The following OR10Z1 variants were observed in gnomAD, a reference collection of about 807,000 sequenced individuals.
The protein encoded by OR10Z1 is olfactory receptor 10Z1.
For missense variants in OR10Z1, 468 were observed against 371.0 expected (o/e 1.26, Z -2.15); for synonymous variants, 187 against 151.2 (o/e 1.24, Z -1.74).
In OR10Z1 at chr1:158,607,400, C is replaced by T. The variant is rs369995399; in HGVS notation, c.*20C>T. 3 of 1,584,564 alleles carry T rather than the reference C, an allele frequency of 1.9e-6. No individual in the cohort carries two copies. The highest frequency in any genetic ancestry group is 1.1e-5 in the South Asian group (1 of 88,956). ...GGATGAAGGTTACCCCAATAGGACA[C>T]TTTCTTCTGTGTAGGCTGGGCATAG... On this transcript the variant is annotated 3_prime_UTR_variant, in exon 2 of 2. Coordinates refer to ENST00000641002, the MANE Select transcript of OR10Z1 (RefSeq NM_001004478.2).
Position 158,610,442 on chromosome 1 carries a change from TTTA to T in OR10Z1, c.*3063_*3065del. ...TGAAGATAGCATCACCTCTTCTTTT[TTTA>T]AAATTAATTCTTAATTTTATAAATA... On this transcript the variant is annotated 3_prime_UTR_variant, in exon 2 of 2. Transcript: ENST00000641002. 6.6e-6 allele frequency: 1 copy of T among 152,300 alleles called. No homozygotes were observed. Among genetic ancestry groups the T allele is most frequent in the East Asian group, 1.9e-4 (1 of 5,188 alleles). 9.4% of individuals were successfully genotyped at this position (152,300 alleles called of 1,614,324 possible).
At position 158,611,208 on chromosome 1, in the gene OR10Z1, C is replaced by T; in HGVS notation, c.*3828C>T. The T allele has an allele frequency of 1.9e-6, 3 of 1,604,664 alleles. No individual in the cohort carries two copies. The highest frequency in any genetic ancestry group is 2.6e-6 in the Non-Finnish European group (3 of 1,173,824). On this transcript the variant is annotated 3_prime_UTR_variant, in exon 2 of 2. Coordinates refer to ENST00000641002, the MANE Select transcript of OR10Z1 (RefSeq NM_001004478.2). The stretch of plus-strand genomic sequence containing the variant: ...TCCACATTTGCCTGTACTCTTTGCC[C>T]CCCAGTAAATTTCCCACGACACTAA...
chr1:158,611,326 C>A lies in OR10Z1; in HGVS notation c.*3946C>A, dbSNP rs774112593. ...TCATAGCCAGAGAGATGGCTTCGACCCCGTGGGTCCATATATTGCTGCATA... is the reference window on the plus strand; with the variant it reads ...TCATAGCCAGAGAGATGGCTTCGACACCGTGGGTCCATATATTGCTGCATA... On this transcript the variant is annotated 3_prime_UTR_variant, in exon 2 of 2. Transcript: ENST00000641002. 22 of 1,613,746 alleles carry A rather than the reference C, an allele frequency of 1.4e-5. 1 individual carries two copies. The South Asian group carries it at 2.3e-4, about 17-fold the overall frequency.
At position 158,610,345 on chromosome 1, in the gene OR10Z1, A is replaced by G. The variant is rs753982998; in HGVS notation, c.*2965A>G. 5 of 152,160 alleles carry G rather than the reference A, an allele frequency of 3.3e-5. No individual in the cohort carries two copies. Among genetic ancestry groups the G allele is most frequent in the Admixed American group, 1.3e-4 (2 of 15,264 alleles). The allele number at this position is 152,160 out of a possible 1,614,324, so 9.4% of individuals were successfully genotyped here. On this transcript the variant is annotated 3_prime_UTR_variant, in exon 2 of 2. Coordinates refer to ENST00000641002, the MANE Select transcript of OR10Z1 (RefSeq NM_001004478.2). ...AGAATTCTCACCAGCAAATGACACCATTACCTTTTATAGATCAAATCAGAA... is the reference window on the plus strand; with the variant it reads ...AGAATTCTCACCAGCAAATGACACCGTTACCTTTTATAGATCAAATCAGAA...
chr1:158,611,245 A>T lies in OR10Z1; in HGVS notation c.*3865A>T, dbSNP rs779865952. The T allele has an allele frequency of 6.2e-7, 1 of 1,613,002 alleles. No homozygotes were observed. Among genetic ancestry groups the T allele is most frequent in the Non-Finnish European group, 8.5e-7 (1 of 1,179,392 alleles). On this transcript the variant is annotated 3_prime_UTR_variant, in exon 2 of 2. Coordinates refer to ENST00000641002, the MANE Select transcript of OR10Z1 (RefSeq NM_001004478.2). The stretch of plus-strand genomic sequence containing the variant: ...TCCCACGACACTAAGATTTTCTACG[A>T]TCCACGAGGAGCTGCTTATTAGTTG...
rs571508464 is a variant in OR10Z1, at chr1:158,611,717, G to A, written c.*4337G>A. The A allele has an allele frequency of 1.1e-3, 298 of 279,704 alleles. 2 individuals carry two copies. The highest frequency in any genetic ancestry group is 1.6e-3 in the Non-Finnish European group (225 of 144,518). 17.3% of individuals were successfully genotyped at this position (279,704 alleles called of 1,614,324 possible). On this transcript the variant is annotated 3_prime_UTR_variant, in exon 2 of 2. Coordinates refer to ENST00000641002, the MANE Select transcript of OR10Z1 (RefSeq NM_001004478.2). ...CTTGATCTATTTCATCTTCCTGGCT[G>A]CTTTGAGATGTGGGGACTAGCATGT...
chr1:158,607,332 G>T lies in OR10Z1; in HGVS notation c.894G>T (p.Gln298His). The change falls in exon 2 of 2, where the codon CAG (glutamine) becomes CAT (histidine). Residue 298 changes from glutamine (Q) to histidine (H), a missense_variant. Coordinates refer to ENST00000641002, the MANE Select transcript of OR10Z1 (RefSeq NM_001004478.2). Reference protein sequence around the residue: ...IVYSLRNRAIQTALRNAFRGR... With the variant: ...IVYSLRNRAIHTALRNAFRGR... The stretch of plus-strand genomic sequence containing the variant: ...ATAGTCTAAGGAATAGGGCTATACA[G>T]ACAGCTCTGAGGAATGCTTTCAGAG... 1 of 1,613,790 alleles carries T rather than the reference G, an allele frequency of 6.2e-7. No homozygotes were observed. Among genetic ancestry groups the T allele is most frequent in the Non-Finnish European group, 8.5e-7 (1 of 1,179,792 alleles).
chr1:158,611,053 A>G lies in OR10Z1; in HGVS notation c.*3673A>G. On this transcript the variant is annotated 3_prime_UTR_variant, in exon 2 of 2. Coordinates refer to ENST00000641002, the MANE Select transcript of OR10Z1 (RefSeq NM_001004478.2). ...ATACAAAATAGCTTCCACTCCTCCAACTCTATTAACCTTTCTATCTCCCAC... is the reference window on the plus strand; with the variant it reads ...ATACAAAATAGCTTCCACTCCTCCAGCTCTATTAACCTTTCTATCTCCCAC... The G allele has an allele frequency of 1.6e-6, 1 of 620,034 alleles. No homozygotes were observed. Among genetic ancestry groups the G allele is most frequent in the Admixed American group, 2.7e-5 (1 of 37,186 alleles). The allele number at this position is 620,034 out of a possible 1,614,324, so 38.4% of individuals were successfully genotyped here. A position where few individuals can be genotyped will look rare whatever the true frequency, so the allele number is the denominator to read the frequency against.
Position 158,609,582 on chromosome 1 carries a change from G to A in OR10Z1, c.*2202G>A, listed in dbSNP as rs1440494027. On this transcript the variant is annotated 3_prime_UTR_variant, in exon 2 of 2. Coordinates refer to ENST00000641002, the MANE Select transcript of OR10Z1 (RefSeq NM_001004478.2). ...TCCACATGTAGTAGTCTTAAGTATG[G>A]AAGGGTATAAAATCACTTGGAGGGA... The A allele has an allele frequency of 1.8e-4, 28 of 152,140 alleles. 1 individual carries two copies. Among genetic ancestry groups the A allele is most frequent in the Admixed American group, 1.8e-3 (28 of 15,276 alleles). 9.4% of individuals were successfully genotyped at this position (152,140 alleles called of 1,614,324 possible).
chr1:158,607,468 G>T lies in OR10Z1; in HGVS notation c.*88G>T. ...AAGGGCCAGGTATTCAAGGCCTCAG[G>T]CCAAAGCTGTCCTACCCCCAATCTT... is the stretch of plus-strand genomic sequence containing the variant. On this transcript the variant is annotated 3_prime_UTR_variant, in exon 2 of 2. Transcript: ENST00000641002. 1.0e-6 allele frequency: 1 copy of T among 998,838 alleles called. No homozygotes were observed. The highest frequency in any genetic ancestry group is 1.5e-6 in the Non-Finnish European group (1 of 668,108). The allele number at this position is 998,838 out of a possible 1,614,324, so 61.9% of individuals were successfully genotyped here. A position where few individuals can be genotyped will look rare whatever the true frequency, so the allele number is the denominator to read the frequency against.
In OR10Z1 at chr1:158,606,862, G is replaced by A. The variant is rs138845915; in HGVS notation, c.424G>A (p.Ala142Thr). Reference protein sequence around the residue: ...YASHMNPTLCAQLVITSFLTG... With the variant: ...YASHMNPTLCTQLVITSFLTG... ...CAGCCACATGAATCCTACCCTCTGT[G>A]CCCAGCTGGTCATTACTTCCTTCCT... The change falls in exon 2 of 2, where the codon GCC (alanine) becomes ACC (threonine). Residue 142 changes from alanine to threonine, a missense_variant. By Grantham distance (58) the Ala-to-Thr change is moderately conservative. Transcript: ENST00000641002. 1 of 1,613,868 alleles carries A rather than the reference G, an allele frequency of 6.2e-7. No individual in the cohort carries two copies. The highest frequency in any genetic ancestry group is 1.3e-5 in the African/African-American group (1 of 74,882).
rs1364903812 is a variant in OR10Z1 at position 158,606,644 on chromosome 1, C to G, written c.206C>G (p.Ser69Cys). The G allele has an allele frequency of 1.2e-6, 2 of 1,613,924 alleles. No homozygotes were observed. The highest frequency in any genetic ancestry group is 2.7e-5 in the African/African-American group (2 of 74,920). ...MYLFLSFLSF[S>C]ETCYTLGIIP... ...CTCTTCCTTTCCTTCCTATCCTTCT[C>G]TGAGACCTGCTACACTTTGGGCATC... is the stretch of plus-strand genomic sequence containing the variant. Residue 69 changes from serine (S) to cysteine (C), a missense_variant, in exon 2 of 2, where the codon TCT (serine) becomes TGT (cysteine). Transcript: ENST00000641002.
rs147975494 is a variant in OR10Z1, at chr1:158,607,677, A to T, written c.*297A>T. On this transcript the variant is annotated 3_prime_UTR_variant, in exon 2 of 2. Transcript: ENST00000641002. ...ATTGAGAATTAAAAATTTAATTAAG[A>T]TAATCAAGAATTTTTTAATTGAGCT... is the stretch of plus-strand genomic sequence containing the variant. The T allele has an allele frequency of 3.5e-6, 1 of 283,072 alleles. No homozygotes were observed. The highest frequency in any genetic ancestry group is 6.6e-6 in the Non-Finnish European group (1 of 152,414). 17.5% of individuals were successfully genotyped at this position (283,072 alleles called of 1,614,324 possible). A position where few individuals can be genotyped will look rare whatever the true frequency, so the allele number is the denominator to read the frequency against.
At position 158,612,115 on chromosome 1, in the gene OR10Z1, C is replaced by T. The variant is rs1311871151; in HGVS notation, c.*4735C>T. 1 of 154,168 alleles carries T rather than the reference C, an allele frequency of 6.5e-6. No individual in the cohort carries two copies. Among genetic ancestry groups the T allele is most frequent in the East Asian group, 1.9e-4 (1 of 5,210 alleles). 9.6% of individuals were successfully genotyped at this position (154,168 alleles called of 1,614,324 possible). A position where few individuals can be genotyped will look rare whatever the true frequency, so the allele number is the denominator to read the frequency against. The stretch of plus-strand genomic sequence containing the variant: ...ATCTGGTTTCTGCTTAATTGTTTTC[C>T]CTTTCACTTTCTGTTACTATCTTCT... On this transcript the variant is annotated 3_prime_UTR_variant, in exon 2 of 2. Transcript: ENST00000641002.
rs565112780 is a variant in OR10Z1, at chr1:158,611,603, T to G, written c.*4223T>G. ...CAGCCCTTTCTTGAAAAAGAGAGCT[T>G]ACTCACTTTGATTATTCTGTAAATC... is the stretch of plus-strand genomic sequence containing the variant. On this transcript the variant is annotated 3_prime_UTR_variant, in exon 2 of 2. Coordinates refer to ENST00000641002, the MANE Select transcript of OR10Z1 (RefSeq NM_001004478.2). 43 of 496,480 alleles carry G rather than the reference T, an allele frequency of 8.7e-5. No individual in the cohort carries two copies. In the East Asian group the frequency reaches 1.5e-3, roughly 18 times the overall value. 30.8% of individuals were successfully genotyped at this position (496,480 alleles called of 1,614,324 possible).
Position 158,607,441 on chromosome 1 carries a change from C to A in OR10Z1, c.*61C>A. 7.5e-7 allele frequency: 1 copy of A among 1,338,168 alleles called. No individual in the cohort carries two copies. Among genetic ancestry groups the A allele is most frequent in the Non-Finnish European group, 1.0e-6 (1 of 961,482 alleles). 82.9% of individuals were successfully genotyped at this position (1,338,168 alleles called of 1,614,324 possible). A position where few individuals can be genotyped will look rare whatever the true frequency, so the allele number is the denominator to read the frequency against. ...CTGGGCATAGACCAAGAACCCAAGC[C>A]AAAGGGCCAGGTATTCAAGGCCTCA... On this transcript the variant is annotated 3_prime_UTR_variant, in exon 2 of 2. Coordinates refer to ENST00000641002, the MANE Select transcript of OR10Z1 (RefSeq NM_001004478.2).
In OR10Z1 at chr1:158,606,460, T is replaced by C. The variant is rs539070779; in HGVS notation, c.22T>C (p.Ser8Pro). The C allele has an allele frequency of 1.7e-5, 27 of 1,613,456 alleles. No individual in the cohort carries two copies. The South Asian group carries it at 1.9e-4, about 11-fold the overall frequency. Reference protein sequence around the residue: MGQTNVTSWRDFVFLGFS... With the variant: MGQTNVTPWRDFVFLGFS... Reference sequence around the variant, plus strand: ...CAGAATGGGGCAGACCAACGTAACCTCCTGGAGGGATTTTGTCTTCCTGGG... The same window carrying C: ...CAGAATGGGGCAGACCAACGTAACCCCCTGGAGGGATTTTGTCTTCCTGGG... Residue 8 changes from serine (S) to proline (P), a missense_variant, in exon 2 of 2, where the codon TCC (serine) becomes CCC (proline). Transcript: ENST00000641002.
At position 158,607,549 on chromosome 1, in the gene OR10Z1, G is replaced by A. The variant is rs755800453; in HGVS notation, c.*169G>A. 1 of 567,084 alleles carries A rather than the reference G, an allele frequency of 1.8e-6. No individual in the cohort carries two copies. The highest frequency in any genetic ancestry group is 2.8e-5 in the East Asian group (1 of 35,438). 35.1% of individuals were successfully genotyped at this position (567,084 alleles called of 1,614,324 possible). ...TCCCCCTGACTGCTTGGAATGCAGA[G>A]GCGGGGCTTCCTGCTCTGCTCACTG... is the stretch of plus-strand genomic sequence containing the variant. On this transcript the variant is annotated 3_prime_UTR_variant, in exon 2 of 2. Coordinates refer to ENST00000641002, the MANE Select transcript of OR10Z1 (RefSeq NM_001004478.2).
At position 158,606,938 on chromosome 1, in the gene OR10Z1, C is replaced by T; in HGVS notation, c.500C>T (p.Ser167Leu). The change falls in exon 2 of 2, where the codon TCA (serine) becomes TTA (leucine). Residue 167 changes from serine to leucine, a missense_variant. Ser to Leu is a moderately radical substitution (Grantham distance 145). Transcript: ENST00000641002. ...LGMTLVIFHL[S>L]FCSSHEIQHF... ...ATGACACTAGTTATTTTCCACCTCT[C>T]ATTCTGCAGCTCCCATGAAATCCAG... 6.2e-7 allele frequency: 1 copy of T among 1,614,100 alleles called. No homozygotes were observed. Among genetic ancestry groups the T allele is most frequent in the African/African-American group, 1.3e-5 (1 of 75,042 alleles).
Sources: gnomAD v4.1 joint callset for allele counts on GRCh38, gnomAD v4.1.1 for gene constraint, MANE v1.5 for transcripts, NCBI Gene and HGNC (gene_info 2026-07-23, HGNC 2026-07-21) for gene names.